The following NEGR1 variants were observed in gnomAD, a reference collection of about 807,000 sequenced individuals.
The protein encoded by NEGR1 is neuronal growth regulator 1.
In NEGR1, 10 loss-of-function variants were observed where a neutral mutation model predicts 40.9. The observed-to-expected ratio is 0.24, with a 90% CI of 0.15 to 0.42. The LOEUF (loss-of-function observed/expected upper bound fraction) is 0.42. NEGR1 is among the 10% of genes least tolerant of loss of function. NEGR1 has a pLI of 1.00. For synonymous variants in NEGR1, 185 were observed against 166.8 expected (o/e 1.11, Z -0.84); for missense variants, 352 against 438.9 (o/e 0.80, Z 1.77).
chr1:71,732,384 G>A (rs1331987377), intron 3 of NEGR1, among the ~76,000 whole-genome samples: 1 of 152,010 alleles, frequency 6.6e-6, no homozygotes, highest in African/African-American at 2.4e-5. Flanking sequence ...AGAAATTGAA[G>A]ATATCTTGAT....
intron 2 of NEGR1, among the ~76,000 whole-genome samples, chr1:71,867,821 TTTC>T (rs1660162018): frequency 6.6e-6 from 1 of 152,182 alleles, no homozygotes; most frequent in Non-Finnish European, 1.5e-5. Context: ...ATAATGTCAT[TTTC>T]TATAGAAAGA....
intron 4 of NEGR1, among the ~76,000 whole-genome samples, chr1:71,668,469 A>G (rs1366327301): frequency 6.6e-6 from 1 of 152,136 alleles, no homozygotes; most frequent in Non-Finnish European, 1.5e-5. Flanking sequence ...AGTTAGGGTT[A>G]GGGCTCATTG....
chr1:71,858,349 T>C (rs1557679495), intron 2 of NEGR1, among the ~76,000 whole-genome samples: 1 of 152,102 alleles, frequency 6.6e-6, no homozygotes, highest in Non-Finnish European at 1.5e-5. Flanking sequence ...TAAAAGCCAC[T>C]ATGGTTTTTG....
At chr1:71,942,425 C>CTT (rs1645967727) in intron 1 of NEGR1, among the ~76,000 whole-genome samples, 1 of 100,728 alleles carries the variant, frequency 9.9e-6, no homozygotes, top group South Asian at 3.9e-4. Context: ...TTTAGTTTTA[C>CTT]TTTAATGCAC....
At chr1:72,011,170 G>C (rs566472719) in intron 1 of NEGR1, among the ~76,000 whole-genome samples, 1 of 152,150 alleles carries the variant, frequency 6.6e-6, no homozygotes, top group Admixed American at 6.5e-5. Context: ...CACTGTGGGG[G>C]CTGATGAACA....
chr1:72,115,835 G>A (rs997373771), intron 1 of NEGR1, among the ~76,000 whole-genome samples: 11 of 151,654 alleles, frequency 7.3e-5, no homozygotes, highest in African/African-American at 2.7e-4. Flanking sequence ...CTCTTCTGTG[G>A]TGCCATCCTT....
chr1:71,785,366 A>G (rs183187432), intron 2 of NEGR1, among the ~76,000 whole-genome samples: 16 of 152,330 alleles, frequency 1.1e-4, no homozygotes, highest in Admixed American at 7.8e-4. Context: ...CTAGTGAAGT[A>G]TAATTCTTAA....
At chr1:72,150,581 C>CT (rs796881237) in intron 1 of NEGR1, among the ~76,000 whole-genome samples, 14 of 151,852 alleles carry the variant, frequency 9.2e-5, no homozygotes, top group African/African-American at 2.7e-4. Flanking sequence ...TGAACAGTGA[C>CT]TTTTTTTTAT....
chr1:71,704,883 C>T (rs1270903323), intron 3 of NEGR1, among the ~76,000 whole-genome samples: 1 of 151,612 alleles, frequency 6.6e-6, no homozygotes. Flanking sequence ...GTATACCAAT[C>T]TAGGGATATA....
intron 2 of NEGR1, among the ~76,000 whole-genome samples, chr1:71,923,091 T>A (rs538559287): frequency 2.0e-5 from 3 of 152,160 alleles, no homozygotes; most frequent in Admixed American, 2.0e-4. Context: ...CTATCATCCA[T>A]TAAATATTTA....
At chr1:72,159,879 A>G (rs1258307716) in intron 1 of NEGR1, among the ~76,000 whole-genome samples, 1 of 152,140 alleles carries the variant, frequency 6.6e-6, no homozygotes, top group East Asian at 1.9e-4. Context: ...ACAAACACAC[A>G]AACTATACAT....
At chr1:71,750,098 A>G (rs1254741504) in intron 3 of NEGR1, among the ~76,000 whole-genome samples, 2 of 149,532 alleles carry the variant, frequency 1.3e-5, no homozygotes, top group Non-Finnish European at 3.0e-5. Context: ...GGTTCACGCC[A>G]TTCTCCTGCC....
At chr1:71,796,390 T>C (rs940213789) in intron 2 of NEGR1, among the ~76,000 whole-genome samples, 3 of 152,094 alleles carry the variant, frequency 2.0e-5, no homozygotes, top group African/African-American at 7.2e-5. Context: ...ATTTTGGAGG[T>C]AGTGATAGAC....
At chr1:71,903,568 G>A (rs1440934667) in intron 2 of NEGR1, among the ~76,000 whole-genome samples, 1 of 151,888 alleles carries the variant, frequency 6.6e-6, no homozygotes, top group African/African-American at 2.4e-5. Flanking sequence ...TGAATAAGGT[G>A]ATACATTTAA....
chr1:71,966,262 CTAGT>C (rs1161805746), intron 1 of NEGR1, among the ~76,000 whole-genome samples: 1 of 152,196 alleles, frequency 6.6e-6, no homozygotes, highest in African/African-American at 2.4e-5. Flanking sequence ...CAAATGACAA[CTAGT>C]TAATCTGACA....
chr1:71,691,482 T>A (rs941988814), intron 4 of NEGR1, among the ~76,000 whole-genome samples: 1 of 151,886 alleles, frequency 6.6e-6, no homozygotes, highest in African/African-American at 2.4e-5. Flanking sequence ...TCTCTTTTGG[T>A]TGGCATTGTT....
At chr1:71,491,577 C>CT (rs58078187) in intron 6 of NEGR1, among the ~76,000 whole-genome samples, 102,558 of 146,268 alleles carry the variant, frequency 0.7, 36,210 homozygotes, top group Middle Eastern at 0.76. Context: ...CAGGGCTTGA[C>CT]TTTTTTTTTT....
intron 2 of NEGR1, among the ~76,000 whole-genome samples, chr1:71,778,453 G>A (rs530912857): frequency 6.6e-6 from 1 of 152,204 alleles, no homozygotes; most frequent in African/African-American, 2.4e-5. Context: ...TGAAGGCTAG[G>A]TTAAGTTATG....
At chr1:71,731,767 G>A (rs912438509) in intron 3 of NEGR1, among the ~76,000 whole-genome samples, 4 of 152,126 alleles carry the variant, frequency 2.6e-5, no homozygotes, top group Non-Finnish European at 4.4e-5. Flanking sequence ...TGACTCCACA[G>A]GCTTTGCTAG....
Sources: gnomAD v4.1 joint callset for allele counts (sites outside exome capture counted in the v4.1 genomes callset) on GRCh38, gnomAD v4.1.1 for gene constraint, MANE v1.5 for transcripts, NCBI Gene and HGNC (gene_info 2026-07-23, HGNC 2026-07-21) for gene names.